The following GSE1 variants were observed in gnomAD, a reference collection of about 807,000 sequenced individuals.
GSE1 encodes genetic suppressor element 1.
Under a neutral mutation model 112.6 loss-of-function variants are expected in GSE1, and 32 were observed. The observed-to-expected ratio is 0.28, with a 90% CI of 0.21 to 0.38. GSE1 has a LOEUF of 0.38. GSE1 is among the 10% of genes least tolerant of loss of function. GSE1 has a pLI of 1.00. For missense variants in GSE1, 2,348 were observed against 1,699.2 expected (o/e 1.38, Z -6.71); for synonymous variants, 1,115 against 735.6 (o/e 1.52, Z -8.35).
At position 85,194,170 on chromosome 16, in the gene GSE1, C is replaced by G. The variant is rs112957518; in HGVS notation, c.2283+22363C>G. On this transcript the variant is annotated intron_variant, in intron 1 of 2. Transcript: ENST00000637419. Reference sequence around the variant, plus strand: ...CCGTTCAGGAGAATGGTCACCTTCTCTCTTTGCTGCTGTTCTTGGACTCCG... The same window carrying G: ...CCGTTCAGGAGAATGGTCACCTTCTGTCTTTGCTGCTGTTCTTGGACTCCG... Among the ~76,000 whole-genome samples the G allele has an allele frequency of 7.7e-3, 1,170 of 152,306 alleles. 12 individuals are homozygous for G. Among genetic ancestry groups the G allele is most frequent in the African/African-American group, 0.027 (1,108 of 41,570 alleles).
intron 1 of GSE1, among the ~76,000 whole-genome samples, chr16:85,324,847 T>G (rs2046192935): frequency 6.6e-6 from 1 of 152,088 alleles, no homozygotes; most frequent in South Asian, 2.1e-4. Context: ...GAGTTTTGTT[T>G]TGGGTGATGG....
chr16:85,531,577 A>G (rs1380730571), intron 2 of GSE1, among the ~76,000 whole-genome samples: 1 of 152,172 alleles, frequency 6.6e-6, no homozygotes, highest in African/African-American at 2.4e-5. Flanking sequence ...GGCACCTTAC[A>G]CAGAATGTTC....
chr16:85,502,058 T>G (rs2051386519), intron 2 of GSE1, among the ~76,000 whole-genome samples: 1 of 150,180 alleles, frequency 6.7e-6, no homozygotes, highest in African/African-American at 2.5e-5. Context: ...AGGAGGGGAG[T>G]GGGTGTCAGG....
At chr16:85,398,337 C>T (rs932824565) in intron 2 of GSE1, among the ~76,000 whole-genome samples, 3 of 152,124 alleles carry the variant, frequency 2.0e-5, no homozygotes, top group African/African-American at 7.2e-5. Context: ...TCGCAGAGCT[C>T]CCAGGGGTTA....
At chr16:85,255,564 A>T (rs185610176) in intron 1 of GSE1, among the ~76,000 whole-genome samples, 2 of 151,702 alleles carry the variant, frequency 1.3e-5, no homozygotes, top group South Asian at 2.1e-4. Flanking sequence ...GGCGCCCACC[A>T]CCACACCCGG....
At chr16:85,589,383 TGCTGGGTGGGCAGGGCCTGG>T (rs2046866227) in intron 1 of GSE1, among the ~76,000 whole-genome samples, 1 of 151,452 alleles carries the variant, frequency 6.6e-6, no homozygotes, top group Non-Finnish European at 1.5e-5. Context: ...AGAGCCTGGA[TGCTGGGTGGGCAGGGCCTGG>T]GCTGGGTGGG....
At chr16:85,207,223 G>A (rs2075134164) in intron 1 of GSE1, among the ~76,000 whole-genome samples, 1 of 152,342 alleles carries the variant, frequency 6.6e-6, no homozygotes, top group Middle Eastern at 3.4e-3. Flanking sequence ...CTCCCCAGCA[G>A]AACCCCCACT....
intron 5 of GSE1, 30 bp from the exon 6 acceptor site, chr16:85,655,696 G>A: frequency 1.3e-6 from 2 of 1,508,670 alleles, no homozygotes; most frequent in Non-Finnish European, 1.8e-6. Context: ...TGGTTCATTT[G>A]CTGCTCACAG....
intron 2 of GSE1, among the ~76,000 whole-genome samples, chr16:85,417,172 G>A (rs1207762243): frequency 6.6e-6 from 1 of 152,196 alleles, no homozygotes. Context: ...CAGCAGCCCT[G>A]TGGATATTTG....
In GSE1 at chr16:85,675,087, T is replaced by G. The variant is rs1320833187; in HGVS notation, c.*2548T>G. On this transcript the variant is annotated 3_prime_UTR_variant, in exon 16 of 16. Transcript: ENST00000253458. ...CATACTTTGAAAACTTACTTTCAGA[T>G]TATTCTCAAAGAACACAGTAGCACC... is the stretch of plus-strand genomic sequence containing the variant. 1 of 152,296 alleles carries G rather than the reference T, an allele frequency of 6.6e-6. No homozygotes were observed. Among genetic ancestry groups the G allele is most frequent in the Non-Finnish European group, 1.5e-5 (1 of 68,040 alleles). The allele number at this position is 152,296 out of a possible 1,614,324, so 9.4% of individuals were successfully genotyped here. A position where few individuals can be genotyped will look rare whatever the true frequency, so the allele number is the denominator to read the frequency against.
At chr16:85,191,540 A>G (rs1375037104) in intron 1 of GSE1, among the ~76,000 whole-genome samples, 1 of 152,242 alleles carries the variant, frequency 6.6e-6, no homozygotes, top group Non-Finnish European at 1.5e-5. Context: ...TGAGCAGCTC[A>G]GAGGCAGAGA....
intron 1 of GSE1, among the ~76,000 whole-genome samples, chr16:85,294,516 A>G (rs1390926319): frequency 1.3e-5 from 2 of 151,524 alleles, no homozygotes; most frequent in African/African-American, 4.9e-5. Context: ...CTTTTGCCTC[A>G]TGTTGGTGCC....
upstream of GSE1, among the ~76,000 whole-genome samples, chr16:85,612,172 C>T (rs568255059): frequency 2.0e-5 from 3 of 151,310 alleles, no homozygotes; most frequent in Non-Finnish European, 4.4e-5. Flanking sequence ...GGAGGCTCGC[C>T]GACCCCTGCC....
intron 14 of GSE1, among the ~76,000 whole-genome samples, chr16:85,669,460 G>A (rs556310333): frequency 1.8e-4 from 27 of 152,044 alleles, no homozygotes; most frequent in African/African-American, 6.0e-4. Context: ...AAAAACAAAC[G>A]CCCATGTAGC....
At chr16:85,409,230 G>T (rs1207051803) in intron 2 of GSE1, among the ~76,000 whole-genome samples, 2 of 38,292 alleles carry the variant, frequency 5.2e-5, no homozygotes, top group Non-Finnish European at 9.6e-5. Flanking sequence ...AATCCTCACT[G>T]TTACTCTCAG....
At chr16:85,351,262 G>C (rs1157719990) in intron 1 of GSE1, among the ~76,000 whole-genome samples, 1 of 152,212 alleles carries the variant, frequency 6.6e-6, no homozygotes, top group East Asian at 1.9e-4. Flanking sequence ...CTGGAGAAGG[G>C]AATTCTCTGT....
At chr16:85,652,315 A>T (rs778713087) in intron 3 of GSE1, among the ~76,000 whole-genome samples, 3 of 151,936 alleles carry the variant, frequency 2.0e-5, no homozygotes, top group Admixed American at 1.3e-4. Flanking sequence ...CTCCCCCACT[A>T]CCCCGGTTGC....
chr16:85,289,530 G>C (rs2045142753), intron 1 of GSE1, among the ~76,000 whole-genome samples: 1 of 152,214 alleles, frequency 6.6e-6, no homozygotes, highest in African/African-American at 2.4e-5. Context: ...GGTCTGGGAT[G>C]AGGCCTAGGA....
At chr16:85,649,224 G>A (rs1000137939) in intron 3 of GSE1, among the ~76,000 whole-genome samples, 2 of 152,114 alleles carry the variant, frequency 1.3e-5, no homozygotes, top group African/African-American at 2.4e-5. Context: ...TTTAAAGACC[G>A]TGTCTCCAAA....
Sources: gnomAD v4.1 joint callset for allele counts (sites outside exome capture counted in the v4.1 genomes callset) on GRCh38, gnomAD v4.1.1 for gene constraint, MANE v1.5 for transcripts, NCBI Gene and HGNC (gene_info 2026-07-23, HGNC 2026-07-21) for gene names.